HSPBAP1: variants seen among roughly 807,000 people sequenced by gnomAD.
The protein encoded by HSPBAP1 is HSPB1 associated protein 1.
Under a neutral mutation model 45.2 loss-of-function variants are expected in HSPBAP1, and 27 were observed. The observed-to-expected ratio is 0.60, with a 90% confidence interval of 0.44 to 0.82. The LOEUF is 0.82. Ranked by LOEUF, HSPBAP1 falls within the 40% of genes least tolerant of loss-of-function variation. The pLI is 0.00. For synonymous variants in HSPBAP1, 204 were observed against 202.7 expected, an observed-to-expected ratio of 1.01 and a Z score of -0.06; for missense variants, 510 against 590.9, an observed-to-expected ratio of 0.86 and a Z score of 1.42.
At chr3:122,770,183 A>C (rs1055793551) in intron 2 of HSPBAP1, among the ~76,000 whole-genome samples, 1 of 152,186 alleles carries the variant, frequency 6.6e-6, no homozygotes, top group Non-Finnish European at 1.5e-5. Context: ...TAAGCCACAG[A>C]ATGGCAGAGA....
chr3:122,774,360 G>A (rs981741099), intron 2 of HSPBAP1, among the ~76,000 whole-genome samples: 1 of 152,164 alleles, frequency 6.6e-6, no homozygotes, highest in Admixed American at 6.5e-5. Flanking sequence ...AAAGTAGGGG[G>A]AAAGGGAAGT....
chr3:122,768,760 C>T lies in HSPBAP1; in HGVS notation c.373G>A (p.Ala125Thr), dbSNP rs774728550. Residue 125 changes from alanine (A) to threonine (T), a missense_variant, in exon 3 of 8, where the codon GCT becomes ACT. Transcript: ENST00000306103. ...FRDYDHSKFWAYADYKYFVSL... is the reference protein window; with the variant it reads ...FRDYDHSKFWTYADYKYFVSL... ...ACAAAATATTTATAGTCAGCATAAG[C>T]CCAGAACTTGGAATGGTCATAATCT... 24 of 1,612,906 alleles carry T rather than the reference C, an allele frequency of 1.5e-5. No individual in the cohort carries two copies. The highest frequency in any genetic ancestry group is 2.0e-5 in the Non-Finnish European group (24 of 1,178,950).
chr3:122,784,606 A>G (rs989888287), intron 1 of HSPBAP1, among the ~76,000 whole-genome samples: 1 of 152,240 alleles, frequency 6.6e-6, no homozygotes, highest in Middle Eastern at 3.2e-3. Flanking sequence ...TAGCCAAGCG[A>G]TAAGTATGAT....
At chr3:122,792,708 A>G (rs1935870946) in intron 1 of HSPBAP1, among the ~76,000 whole-genome samples, 1 of 152,038 alleles carries the variant, frequency 6.6e-6, no homozygotes, top group East Asian at 1.9e-4. Flanking sequence ...CCCCGTCTCT[A>G]CTAAAAATAC....
intron 1 of HSPBAP1, among the ~76,000 whole-genome samples, chr3:122,778,525 T>TTA (rs200588423): frequency 0.013 from 370 of 27,564 alleles, 2 homozygotes; most frequent in Non-Finnish European, 0.017. Context: ...TTTTTTTTAT[T>TTA]TTTTTTTTTT....
intron 6 of HSPBAP1, among the ~76,000 whole-genome samples, chr3:122,747,971 C>T (rs1484892224): frequency 4.6e-5 from 7 of 152,262 alleles, no homozygotes; most frequent in Admixed American, 3.9e-4. Context: ...ATTGAGAAAT[C>T]GGATGGTTGC....
Position 122,740,809 on chromosome 3 carries a change from G to A in HSPBAP1, c.1003C>T (p.Arg335Cys), listed in dbSNP as rs778387110. Reference protein sequence around the residue: ...LNAAVSAFFDRCRTSEVVEIQ... With the variant: ...LNAAVSAFFDCCRTSEVVEIQ... ...TCTACTACCTCAGATGTTCTGCAGC[G>A]ATCAAAAAATGCAGAAACAGCTGCA... Residue 335 changes from arginine (R) to cysteine (C), a missense_variant, in exon 8 of 8, where the codon CGC becomes TGC. Arg to Cys is a radical substitution (Grantham distance 180, BLOSUM62 -3). Transcript: ENST00000306103. 44 of 1,613,972 alleles carry A rather than the reference G, an allele frequency of 2.7e-5. No individual in the cohort carries two copies. Among genetic ancestry groups the A allele is most frequent in the Admixed American group, 1.5e-4 (9 of 60,012 alleles).
Position 122,777,826 on chromosome 3 carries a change from T to C in HSPBAP1, c.145A>G (p.Met49Val), listed in dbSNP as rs1935239781. ...TGTCGTGCTGGCCAATCAAACACCA[T>C]GTTACAGAAGATTGCAGGTTGTTGT... ...SLQQPAIFCN[M>V]VFDWPARHWN... The change falls in exon 2 of 8, where the codon ATG becomes GTG. Residue 49 changes from methionine to valine, a missense_variant. Physicochemically the swap from Met to Val is conservative, Grantham distance 21 (BLOSUM62 1). Coordinates refer to ENST00000306103, the MANE Select transcript of HSPBAP1 (RefSeq NM_024610.6). The C allele has an allele frequency of 6.2e-7, 1 of 1,613,906 alleles. No individual in the cohort carries two copies. The highest frequency in any genetic ancestry group is 8.5e-7 in the Non-Finnish European group (1 of 1,179,802).
Position 122,778,378 on chromosome 3 carries a change from G to A in HSPBAP1, c.65-472C>T, listed in dbSNP as rs1935264679. Reference sequence around the variant, plus strand: ...ACTGAAAAGAACAAATTGATTGGTTGCCTATAGACTACAAACCAAAAACAA... The same window carrying A: ...ACTGAAAAGAACAAATTGATTGGTTACCTATAGACTACAAACCAAAAACAA... On this transcript the variant is annotated intron_variant, in intron 1 of 7. Transcript: ENST00000306103. Among the ~76,000 whole-genome samples the A allele has an allele frequency of 2.0e-5, 3 of 151,768 alleles. No individual in the cohort carries two copies. In the South Asian group the frequency reaches 6.2e-4, roughly 31 times the overall value.
chr3:122,769,063 A>G (rs1230256822), intron 2 of HSPBAP1, among the ~76,000 whole-genome samples, 181 bp from the exon 3 acceptor site: 1 of 152,192 alleles, frequency 6.6e-6, no homozygotes, highest in African/African-American at 2.4e-5. Context: ...AGGTTGAGGC[A>G]GGAAGATGGC....
intron 1 of HSPBAP1, among the ~76,000 whole-genome samples, chr3:122,778,765 C>A (rs376646400): frequency 6.6e-6 from 1 of 152,188 alleles, no homozygotes; most frequent in East Asian, 1.9e-4. Context: ...CTCCTGACCT[C>A]GTGATCCACC....
chr3:122,793,789 C>T lies in HSPBAP1; in HGVS notation c.-109G>A. On this transcript the variant is annotated 5_prime_UTR_variant, in exon 1 of 8. Coordinates refer to ENST00000306103, the MANE Select transcript of HSPBAP1 (RefSeq NM_024610.6). ...CGAAGCTGCACCACAGGAAGGAGCCCCGGCGACTCCCGCCCGGCTCCTACG... is the reference window on the plus strand; with the variant it reads ...CGAAGCTGCACCACAGGAAGGAGCCTCGGCGACTCCCGCCCGGCTCCTACG... 1 of 909,192 alleles carries T rather than the reference C, an allele frequency of 1.1e-6. No individual in the cohort carries two copies. The highest frequency in any genetic ancestry group is 1.7e-6 in the Non-Finnish European group (1 of 590,948). 56.3% of individuals were successfully genotyped at this position (909,192 alleles called of 1,614,324 possible).
chr3:122,762,732 C>A (rs998959869), intron 3 of HSPBAP1, among the ~76,000 whole-genome samples: 4 of 152,100 alleles, frequency 2.6e-5, no homozygotes, highest in African/African-American at 9.7e-5. Flanking sequence ...GGTGAGAGAA[C>A]ATAATTTGTA....
chr3:122,773,655 C>T (rs955100120), intron 2 of HSPBAP1, among the ~76,000 whole-genome samples: 9 of 151,850 alleles, frequency 5.9e-5, no homozygotes, highest in African/African-American at 1.7e-4. Context: ...ACATTTTTCA[C>T]GTAACAGGGC....
At chr3:122,784,332 T>TA (rs1369334772) in intron 1 of HSPBAP1, among the ~76,000 whole-genome samples, 1 of 152,210 alleles carries the variant, frequency 6.6e-6, no homozygotes, top group East Asian at 1.9e-4. Flanking sequence ...TAACTCATGT[T>TA]AAAGGAATTT....
chr3:122,741,094 C>G lies in HSPBAP1; in HGVS notation c.845G>C (p.Arg282Pro). ...WIELEEDHLA[R>P]VEEAITRMLV... ...CATACGGGTGATTGCCTCTTCTACC[C>G]GGGCTAGGTGATCCTCTTCCTGAAT... is the stretch of plus-strand genomic sequence containing the variant. Residue 282 changes from arginine (R) to proline (P), a missense_variant, in exon 7 of 8, where the codon CGG becomes CCG. Coordinates refer to ENST00000306103, the MANE Select transcript of HSPBAP1 (RefSeq NM_024610.6). The G allele has an allele frequency of 6.2e-7, 1 of 1,613,748 alleles. No homozygotes were observed. The highest frequency in any genetic ancestry group is 8.5e-7 in the Non-Finnish European group (1 of 1,179,698).
intron 3 of HSPBAP1, among the ~76,000 whole-genome samples, chr3:122,766,788 AT>A (rs1380156806): frequency 6.6e-6 from 1 of 152,246 alleles, no homozygotes; most frequent in East Asian, 1.9e-4. Flanking sequence ...TTGTTGTATA[AT>A]CTTAGAAAAG....
chr3:122,774,499 T>C (rs1258107014), intron 2 of HSPBAP1, among the ~76,000 whole-genome samples: 2 of 152,226 alleles, frequency 1.3e-5, no homozygotes, highest in East Asian at 3.8e-4. Flanking sequence ...ACAGAAATGA[T>C]GCTGGGCCTT....
rs748363936 is a variant in HSPBAP1 at position 122,778,439 on chromosome 3, C to T, written c.65-533G>A. 1.3e-3 allele frequency among the ~76,000 whole-genome samples: 204 copies of T among 151,866 alleles called. 1 individual carries two copies. The highest frequency in any genetic ancestry group is 2.3e-3 in the Non-Finnish European group (158 of 67,916). On this transcript the variant is annotated intron_variant, in intron 1 of 7. Transcript: ENST00000306103. ...ATTTCAGTTCCTTCTTTTTTTTAAC[C>T]GTCAAGCTAGACATTTTTATTTTCC...
Sources: gnomAD v4.1 joint callset for allele counts (sites outside exome capture counted in the v4.1 genomes callset) on GRCh38, gnomAD v4.1.1 for gene constraint, MANE v1.5 for transcripts, NCBI Gene and HGNC (gene_info 2026-07-23, HGNC 2026-07-21) for gene names.